Variants in KCNG4 observed in about 807,000 individuals in gnomAD.
The protein encoded by KCNG4 is voltage-gated potassium channel regulatory subunit KCNG4.
A neutral mutation model predicts 28.2 loss-of-function variants in KCNG4; 30 were observed. That is an observed-to-expected ratio of 1.06 (90% CI 0.80 to 1.44). KCNG4 has a LOEUF of 1.44. Ranked by LOEUF, KCNG4 falls within the 40% of genes most tolerant of loss-of-function variation. The probability of loss-of-function intolerance (pLI) is 0.00; values close to 1 mark genes in which losing one functional copy is unlikely to be tolerated. For missense variants in KCNG4, 879 were observed against 712.3 expected (o/e 1.23, Z -2.66); for synonymous variants, 375 against 315.5 (o/e 1.19, Z -2.00).
rs1299505710 is a variant in KCNG4 at position 84,218,760 on chromosome 16, T to C, written c.*3457A>G. ...GTCTAATTTAGCAGAGAATCTCAAC[T>C]GGGTGAACATTAAGACACTATAGAA... On this transcript the variant is annotated 3_prime_UTR_variant, in exon 3 of 3. Transcript: ENST00000308251. 6.6e-6 allele frequency: 1 copy of C among 152,216 alleles called. No individual in the cohort carries two copies. The highest frequency in any genetic ancestry group is 1.9e-4 in the East Asian group (1 of 5,194). The allele number at this position is 152,216 out of a possible 1,614,324, so 9.4% of individuals were successfully genotyped here.
intron 2 of KCNG4, 44 bp downstream of exon 2, chr16:84,236,686 C>A: frequency 1.3e-6 from 2 of 1,557,064 alleles, no homozygotes; most frequent in Admixed American, 1.8e-5. Context: ...TCCGCCCAGG[C>A]ACCCTGCGGG....
chr16:84,228,409 G>A (rs929986879), intron 2 of KCNG4, among the ~76,000 whole-genome samples: 3 of 143,974 alleles, frequency 2.1e-5, no homozygotes, highest in Non-Finnish European at 4.6e-5. Context: ...GCCCTGGCCC[G>A]AGGCCCTGAG....
Position 84,218,671 on chromosome 16 carries a change from C to T in KCNG4, c.*3546G>A, listed in dbSNP as rs1168901631. The T allele has an allele frequency of 6.6e-6, 1 of 152,154 alleles. No homozygotes were observed. The highest frequency in any genetic ancestry group is 1.5e-5 in the Non-Finnish European group (1 of 68,026). 9.4% of individuals were successfully genotyped at this position (152,154 alleles called of 1,614,324 possible). ...TTAGACCCGTCTCCTGGGACATTAC[C>T]AGGGAGAAAAAATAGAGCGTTTAAT... On this transcript the variant is annotated 3_prime_UTR_variant, in exon 3 of 3. Transcript: ENST00000308251.
rs963990645 is a variant in KCNG4, at chr16:84,222,642, C to T, written c.1135G>A (p.Ala379Thr). The change falls in exon 3 of 3, where the codon GCC (alanine) becomes ACC (threonine). Residue 379 changes from alanine (A) to threonine (T), a missense_variant. By Grantham distance (58) the Ala-to-Thr change is moderately conservative (BLOSUM62 0). Coordinates refer to ENST00000308251, the MANE Select transcript of KCNG4 (RefSeq NM_172347.3). The part of the protein sequence containing the change: ...REFGLLLLFL[A>T]VAITLFSPLV... ...GGGGAGAAGAGGGTGATGGCCACGG[C>T]CAGGAAGAGAAGGAGCAGGCCGAAC... The T allele has an allele frequency of 4.3e-6, 7 of 1,613,296 alleles. No homozygotes were observed. The highest frequency in any genetic ancestry group is 5.9e-6 in the Non-Finnish European group (7 of 1,179,948).
At position 84,237,348 on chromosome 16, in the gene KCNG4, C is replaced by T; in HGVS notation, c.138G>A (p.Lys46=). 6.4e-7 allele frequency: 1 copy of T among 1,568,616 alleles called. No homozygotes were observed. The highest frequency in any genetic ancestry group is 1.4e-5 in the African/African-American group (1 of 73,694). The stretch of plus-strand genomic sequence containing the variant: ...CTGGGGAGGCGTCCAGGGCACCCAC[C>T]TTCCGCACCCTCCGGTAGTAAAGGC... ...IKGLYYRRVR[K]VGALDASPVD... Residue 46 remains lysine (K), a synonymous_variant, in exon 2 of 3, where the codon AAG becomes AAA. Transcript: ENST00000308251.
intron 2 of KCNG4, among the ~76,000 whole-genome samples, chr16:84,225,809 A>G (rs1056815570): frequency 7.9e-5 from 12 of 152,210 alleles, no homozygotes; most frequent in African/African-American, 2.9e-4. Flanking sequence ...TCTGGACTGC[A>G]GCAAGGGCTC....
rs199773293 is a variant in KCNG4 at position 84,237,183 on chromosome 16, G to A, written c.303C>T (p.Cys101=). The change falls in exon 2 of 3, where the codon TGC becomes TGT. Residue 101 remains cysteine (C), a synonymous_variant. Coordinates refer to ENST00000308251, the MANE Select transcript of KCNG4 (RefSeq NM_172347.3). ...CCTGGCTGTCCTCGTCGTAATCATC[G>A]CAGAGCTGCACGATCTCCTCGTAGC... The part of the protein sequence containing the change: ...CRSYEEIVQL[C]DDYDEDSQEF... 1.3e-5 allele frequency: 21 copies of A among 1,614,152 alleles called. 1 individual carries two copies. The highest frequency in any genetic ancestry group is 8.8e-5 in the South Asian group (8 of 91,082).
chr16:84,230,792 G>A (rs760173166), intron 2 of KCNG4, among the ~76,000 whole-genome samples: 6 of 152,306 alleles, frequency 3.9e-5, no homozygotes, highest in Middle Eastern at 3.4e-3. Context: ...CAATATCCCT[G>A]AAAGCCCCAG....
At chr16:84,235,238 A>G (rs994779854) in intron 2 of KCNG4, among the ~76,000 whole-genome samples, 1 of 152,078 alleles carries the variant, frequency 6.6e-6, no homozygotes, top group Non-Finnish European at 1.5e-5. Context: ...GCTCCTACAC[A>G]ATTTCTCCCT....
At position 84,220,758 on chromosome 16, in the gene KCNG4, A is replaced by G. The variant is rs1904538277; in HGVS notation, c.*1459T>C. 6.6e-6 allele frequency: 1 copy of G among 152,228 alleles called. No homozygotes were observed. The highest frequency in any genetic ancestry group is 2.4e-5 in the African/African-American group (1 of 41,434). The allele number at this position is 152,228 out of a possible 1,614,324, so 9.4% of individuals were successfully genotyped here. On this transcript the variant is annotated 3_prime_UTR_variant, in exon 3 of 3. Coordinates refer to ENST00000308251, the MANE Select transcript of KCNG4 (RefSeq NM_172347.3). ...TCCTGCTGGGAGAAGCCAGGATTTGACAGAATCTTGCAGGATTAAGCCCGT... is the reference window on the plus strand; with the variant it reads ...TCCTGCTGGGAGAAGCCAGGATTTGGCAGAATCTTGCAGGATTAAGCCCGT...
rs1904589004 is a variant in KCNG4, at chr16:84,222,438, C to T, written c.1339G>A (p.Ala447Thr). The T allele has an allele frequency of 6.2e-7, 1 of 1,614,110 alleles. No homozygotes were observed. Residue 447 changes from alanine (A) to threonine (T), a missense_variant, in exon 3 of 3, where the codon GCC (alanine) becomes ACC (threonine). By Grantham distance (58) the Ala-to-Thr change is moderately conservative. Transcript: ENST00000308251. ...TGGAAGATAGACGTGGCCGGGAAGG[C>T]CATGATGAGGATCCCGCTCAGGATG... The part of the protein sequence containing the change: ...SSILSGILIM[A>T]FPATSIFHTF...
At position 84,236,896 on chromosome 16, in the gene KCNG4, G is replaced by A; in HGVS notation, c.590C>T (p.Ser197Phe). ...GTTCATGCACAGGCCCCAGCGCGAG[G>A]AGTGCGAGGCGGGGCGGCGGGTCTC... ...QRETRRPASHSSRWGLCMNRL... is the reference protein window; with the variant it reads ...QRETRRPASHFSRWGLCMNRL... Residue 197 changes from serine (S) to phenylalanine (F), a missense_variant, in exon 2 of 3, where the codon TCC (serine) becomes TTC (phenylalanine). By Grantham distance (155) the Ser-to-Phe change is radical. Transcript: ENST00000308251. The A allele has an allele frequency of 1.9e-6, 3 of 1,613,526 alleles. No individual in the cohort carries two copies. The highest frequency in any genetic ancestry group is 1.7e-6 in the Non-Finnish European group (2 of 1,179,994).
intron 1 of KCNG4, among the ~76,000 whole-genome samples, 156 bp downstream of exon 1, chr16:84,239,514 C>A (rs772543405): frequency 1.7e-4 from 26 of 152,234 alleles, no homozygotes; most frequent in Non-Finnish European, 2.8e-4. Flanking sequence ...CCATCTACGG[C>A]TCTCCAAACA....
At chr16:84,233,309 A>G (rs533964493) in intron 2 of KCNG4, among the ~76,000 whole-genome samples, 6 of 152,324 alleles carry the variant, frequency 3.9e-5, no homozygotes, top group African/African-American at 1.2e-4. Context: ...CCTTCGCACC[A>G]TCATGCTGGC....
At position 84,220,664 on chromosome 16, in the gene KCNG4, G is replaced by A. The variant is rs1349712947; in HGVS notation, c.*1553C>T. 6.6e-6 allele frequency: 1 copy of A among 152,256 alleles called. No homozygotes were observed. Among genetic ancestry groups the A allele is most frequent in the Non-Finnish European group, 1.5e-5 (1 of 68,080 alleles). 9.4% of individuals were successfully genotyped at this position (152,256 alleles called of 1,614,324 possible). The stretch of plus-strand genomic sequence containing the variant: ...GTGCACTTTCTTCAAGAGTCCTAGA[G>A]CCAACAGCAAACTCCTATGTGGGCC... On this transcript the variant is annotated 3_prime_UTR_variant, in exon 3 of 3. Coordinates refer to ENST00000308251, the MANE Select transcript of KCNG4 (RefSeq NM_172347.3).
In KCNG4 at chr16:84,237,290, C is replaced by T; in HGVS notation, c.196G>A (p.Gly66Arg). The part of the protein sequence containing the change: ...DLKKEILINV[G>R]GRRYLLPWST... ...CAGGGGAGGAGATACCTCCTGCCCC[C>T]CACGTTGATCAGGATCTCCTTCTTC... Residue 66 changes from glycine (G) to arginine (R), a missense_variant, in exon 2 of 3, where the codon GGG (glycine) becomes AGG (arginine). Gly to Arg is a moderately radical substitution (Grantham distance 125). Coordinates refer to ENST00000308251, the MANE Select transcript of KCNG4 (RefSeq NM_172347.3). 1 of 1,603,460 alleles carries T rather than the reference C, an allele frequency of 6.2e-7. No homozygotes were observed. The highest frequency in any genetic ancestry group is 1.7e-5 in the Admixed American group (1 of 59,084).
At chr16:84,233,857 C>G (rs578024169) in intron 2 of KCNG4, among the ~76,000 whole-genome samples, 121 of 148,820 alleles carry the variant, frequency 8.1e-4, no homozygotes, top group Admixed American at 4.9e-3. Context: ...GATTTTAGAG[C>G]CAATCAGAGG....
At chr16:84,237,793 G>A (rs1389159826) in intron 1 of KCNG4, among the ~76,000 whole-genome samples, 1 of 152,158 alleles carries the variant, frequency 6.6e-6, no homozygotes, top group Non-Finnish European at 1.5e-5. Flanking sequence ...CACGGATGGG[G>A]GCTTGAGTAA....
intron 2 of KCNG4, among the ~76,000 whole-genome samples, chr16:84,234,438 C>G (rs1904896167): frequency 6.6e-6 from 1 of 152,162 alleles, no homozygotes. Context: ...CTCGGCTTCC[C>G]AGAGTGCTGA....
Sources: allele counts gnomAD v4.1 joint callset (sites outside exome capture counted in the v4.1 genomes callset), GRCh38; gene constraint gnomAD v4.1.1; transcripts MANE v1.5; gene names NCBI Gene and HGNC (gene_info 2026-07-23, HGNC 2026-07-21).